CEP152: variants seen among roughly 807,000 people sequenced by gnomAD.
CEP152 encodes centrosomal protein 152.
CEP152 carries 132 observed loss-of-function variants against 188.9 expected under a neutral mutation model. The observed-to-expected ratio is 0.70, with a 90% confidence interval of 0.61 to 0.81. The LOEUF is 0.81. Among genes scored for constraint, CEP152 ranks in the 30% least tolerant of loss-of-function variants. CEP152 has a pLI of 0.00. For missense variants in CEP152, 1,914 were observed against 1,969.8 expected, an observed-to-expected ratio of 0.97 and a Z score of 0.54; for synonymous variants, 649 against 666.6, an observed-to-expected ratio of 0.97 and a Z score of 0.41.
chr15:48,748,691 A>G (rs1893659935), intron 21 of CEP152, 81 bp from the exon 22 acceptor site: 8 of 1,306,310 alleles, frequency 6.1e-6, no homozygotes, highest in Non-Finnish European at 2.0e-6. Context: ...AAAGACAGAA[A>G]GAAAAGCAGA....
intron 9 of CEP152, among the ~76,000 whole-genome samples, chr15:48,787,168 T>TTTTTTTTG (rs1555425547): frequency 7.2e-6 from 1 of 139,834 alleles, no homozygotes; most frequent in African/African-American, 2.7e-5. Context: ...CCTTCGTTTT[T>TTTTTTTTG]TTTTTTTTTT....
chr15:48,740,342 A>C (rs1303172174), intron 26 of CEP152, among the ~76,000 whole-genome samples: 1 of 152,078 alleles, frequency 6.6e-6, no homozygotes, highest in Non-Finnish European at 1.5e-5. Flanking sequence ...CCTGATTTTT[A>C]ATTTTAGATG....
Position 48,738,559 on chromosome 15 carries a change from G to A in CEP152, c.4823C>T (p.Ser1608Phe), listed in dbSNP as rs372968070. ...TLEIPSESVK[S>F]KQFSPSGYLS... is the part of the protein sequence containing the mutation. ...ATAACCGGATGGTGAAAACTGTTTG[G>A]ATTTAACAGATTCACTTGGTATTTC... The change falls in exon 27 of 27, where the codon TCC (serine) becomes TTC (phenylalanine). Residue 1608 changes from serine to phenylalanine, a missense_variant. Transcript: ENST00000380950. 1 of 1,614,126 alleles carries A rather than the reference G, an allele frequency of 6.2e-7. No individual in the cohort carries two copies. The highest frequency in any genetic ancestry group is 8.5e-7 in the Non-Finnish European group (1 of 1,180,020).
rs761125300 is a variant in CEP152 at position 48,752,496 on chromosome 15, T to A, written c.3346-27A>T. 2.5e-6 allele frequency: 4 copies of A among 1,611,332 alleles called. No homozygotes were observed. In the African/African-American group the frequency reaches 5.3e-5, roughly 22 times the overall value. On this transcript the variant is annotated intron_variant, in intron 20 of 26. Coordinates refer to ENST00000380950, the MANE Select transcript of CEP152 (RefSeq NM_001194998.2). ...TGAAATAAAGTATCTTCAAAGTTAA[T>A]GCTTAGTAAAAATCTTTATACAATT...
chr15:48,741,836 C>T, intron 25 of CEP152, 111 bp downstream of exon 25: 3 of 1,610,074 alleles, frequency 1.9e-6, no homozygotes, highest in East Asian at 2.2e-5. Flanking sequence ...CTCTTAACCC[C>T]CTATGGCTGA....
intron 12 of CEP152, among the ~76,000 whole-genome samples, chr15:48,780,531 A>G (rs1167131619): frequency 6.6e-6 from 1 of 152,228 alleles, no homozygotes; most frequent in African/African-American, 2.4e-5. Flanking sequence ...GACGAACTCC[A>G]TCTTAAACTA....
chr15:48,739,364 TAAAAA>T lies in CEP152; in HGVS notation c.4094-81_4094-77del, dbSNP rs145983063. ...GAAGATTCATCCTTGAACAAAAAAA[TAAAAA>T]AAATTAAAAATAAGAAAAAATTTAT... On this transcript the variant is annotated intron_variant, in intron 26 of 26. Coordinates refer to ENST00000380950, the MANE Select transcript of CEP152 (RefSeq NM_001194998.2). The T allele has an allele frequency of 4.8e-6, 7 of 1,457,612 alleles. No homozygotes were observed. In the South Asian group the frequency reaches 9.0e-5, roughly 19 times the overall value. The allele number at this position is 1,457,612 out of a possible 1,614,324, so 90.3% of individuals were successfully genotyped here. A position where few individuals can be genotyped will look rare whatever the true frequency, so the allele number is the denominator to read the frequency against.
downstream of CEP152, among the ~76,000 whole-genome samples, chr15:48,733,013 C>A (rs1484085828): frequency 6.6e-6 from 1 of 152,016 alleles, no homozygotes; most frequent in East Asian, 1.9e-4. Flanking sequence ...ATCACTTGAG[C>A]CCAGGAGTTC....
At chr15:48,799,188 T>C (rs1897518001) in intron 2 of CEP152, among the ~76,000 whole-genome samples, 2 of 152,210 alleles carry the variant, frequency 1.3e-5, no homozygotes, top group South Asian at 4.1e-4. Context: ...CTCCCTGGTC[T>C]ATAGCATTTT....
chr15:48,745,943 T>C (rs77671446), intron 22 of CEP152, among the ~76,000 whole-genome samples: 48 of 152,280 alleles, frequency 3.2e-4, no homozygotes, highest in South Asian at 1.9e-3. Context: ...AATGTGAACA[T>C]GGCATCTCGT....
chr15:48,801,816 G>A (rs928685370), intron 2 of CEP152, among the ~76,000 whole-genome samples: 2 of 152,168 alleles, frequency 1.3e-5, no homozygotes, highest in Admixed American at 6.6e-5. Flanking sequence ...ATCTGGGGCT[G>A]GGTGCAGTGG....
In CEP152 at chr15:48,760,050, A is replaced by G. The variant is rs1342649451; in HGVS notation, c.2694+85T>C. On this transcript the variant is annotated intron_variant, in intron 19 of 26. Transcript: ENST00000380950. ...ATGTTTATCCTTCAACAATTCTATG[A>G]GTAGGTACAAATTCCAAGGACTGAG... 4 of 1,553,816 alleles carry G rather than the reference A, an allele frequency of 2.6e-6. No individual in the cohort carries two copies. The African/African-American group carries it at 5.4e-5, about 21-fold the overall frequency.
rs568115365 is a variant in CEP152, at chr15:48,758,943, T to G, written c.2694+1192A>C. The stretch of plus-strand genomic sequence containing the variant: ...GTTCTTATGAAAAGATCTCTTGGCC[T>G]GTTTTATTTTCTACATTGTACTCAA... On this transcript the variant is annotated intron_variant, in intron 19 of 26. Coordinates refer to ENST00000380950, the MANE Select transcript of CEP152 (RefSeq NM_001194998.2). Among the ~76,000 whole-genome samples the G allele has an allele frequency of 5.3e-5, 8 of 152,252 alleles. No homozygotes were observed. The South Asian group carries it at 1.7e-3, about 32-fold the overall frequency.
intron 12 of CEP152, among the ~76,000 whole-genome samples, chr15:48,774,960 G>A (rs142444940): frequency 6.6e-6 from 1 of 151,360 alleles, no homozygotes; most frequent in African/African-American, 2.4e-5. Context: ...AGTGATACAA[G>A]AACAAAATAG....
chr15:48,809,116 A>G (rs1488753633), intron 1 of CEP152, among the ~76,000 whole-genome samples: 1 of 152,224 alleles, frequency 6.6e-6, no homozygotes, highest in Non-Finnish European at 1.5e-5. Context: ...TTACAAAGCA[A>G]AAGTAGCATT....
Position 48,807,043 on chromosome 15 carries a change from C to T in CEP152, c.-7-1387G>A, listed in dbSNP as rs72739873. Among the ~76,000 whole-genome samples, 844 of 152,204 alleles carry T rather than the reference C, an allele frequency of 5.5e-3. 6 individuals are homozygous for T. Among genetic ancestry groups the T allele is most frequent in the Non-Finnish European group, 7.9e-3 (536 of 67,998 alleles). On this transcript the variant is annotated intron_variant, in intron 1 of 26. Coordinates refer to ENST00000380950, the MANE Select transcript of CEP152 (RefSeq NM_001194998.2). ...TGGCCAACCTCTAATTTGCAGTCTA[C>T]CTTCTAATCCCTTCCTCTCTGGTCC...
chr15:48,772,612 A>C lies in CEP152; in HGVS notation c.1657T>G (p.Leu553Val). Residue 553 changes from leucine to valine, a missense_variant, in exon 13 of 27, where the codon TTG becomes GTG. Coordinates refer to ENST00000380950, the MANE Select transcript of CEP152 (RefSeq NM_001194998.2). ...ILKLKAEVQRLLGSNSMKRHL... is the reference protein window; with the variant it reads ...ILKLKAEVQRVLGSNSMKRHL... ...CGCTTCATTGAGTTGCTACCCAGCA[A>C]ACGCTGTACTTCTGCCTTTAACTTC... 2 of 1,614,114 alleles carry C rather than the reference A, an allele frequency of 1.2e-6. No individual in the cohort carries two copies. The highest frequency in any genetic ancestry group is 8.5e-7 in the Non-Finnish European group (1 of 1,180,016).
Position 48,788,818 on chromosome 15 carries a change from T to C in CEP152, c.1156A>G (p.Thr386Ala). The part of the protein sequence containing the change: ...SLQKNLDATV[T>A]ALKEQEDICS... ...ATCCCAACCTGTTCTTTAAGTGCGG[T>C]GACTGTGGCATCCAAATTCTTTTGT... The change falls in exon 9 of 27, where the codon ACC (threonine) becomes GCC (alanine). Residue 386 changes from threonine (T) to alanine (A), a missense_variant. By Grantham distance (58) the Thr-to-Ala change is moderately conservative. Transcript: ENST00000380950. 1.2e-6 allele frequency: 2 copies of C among 1,614,200 alleles called. No homozygotes were observed. The highest frequency in any genetic ancestry group is 1.7e-6 in the Non-Finnish European group (2 of 1,180,016).
chr15:48,752,508 A>C (rs764634222), intron 20 of CEP152, 39 bp from the exon 21 acceptor site: 1 of 1,605,288 alleles, frequency 6.2e-7, no homozygotes, highest in East Asian at 2.2e-5. Context: ...CTTAGTAAAA[A>C]TCTTTATACA....
Sources: gnomAD v4.1 joint callset for allele counts (sites outside exome capture counted in the v4.1 genomes callset) on GRCh38, gnomAD v4.1.1 for gene constraint, MANE v1.5 for transcripts, NCBI Gene and HGNC (gene_info 2026-07-23, HGNC 2026-07-21) for gene names.